SLC8A1: variants seen among roughly 807,000 people sequenced by gnomAD.
SLC8A1 encodes sodium/calcium exchanger 1.
In SLC8A1, 18 loss-of-function variants were observed where a neutral mutation model predicts 68.3. The observed-to-expected ratio is 0.26, with a 90% CI of 0.18 to 0.39. SLC8A1 has a LOEUF of 0.39. Ranked by LOEUF, SLC8A1 falls within the 10% of genes least tolerant of loss-of-function variation. SLC8A1 has a pLI of 1.00. For synonymous variants in SLC8A1, 475 were observed against 415.5 expected, an observed-to-expected ratio of 1.14 and a Z score of -1.74; for missense variants, 985 against 1,156.7, an observed-to-expected ratio of 0.85 and a Z score of 2.15.
intron 2 of SLC8A1, among the ~76,000 whole-genome samples, chr2:40,298,677 C>T (rs114331893): frequency 0.016 from 2,384 of 152,106 alleles, 70 homozygotes; most frequent in African/African-American, 0.054. Context: ...TTCAAGTTTT[C>T]GCTAACTTGT....
intron 2 of SLC8A1, among the ~76,000 whole-genome samples, chr2:40,382,897 A>C (rs1682363404): frequency 6.6e-6 from 1 of 152,130 alleles, no homozygotes; most frequent in South Asian, 2.1e-4. Flanking sequence ...TATTATAATT[A>C]TGTCTTTCTT....
chr2:40,154,129 C>T (rs965590203), intron 6 of SLC8A1, among the ~76,000 whole-genome samples: 1 of 152,000 alleles, frequency 6.6e-6, no homozygotes, highest in South Asian at 2.1e-4. Context: ...AGTTACGTAA[C>T]CACTCTGGGC....
At chr2:40,409,372 C>A (rs1173446935) in intron 2 of SLC8A1, among the ~76,000 whole-genome samples, 1 of 152,054 alleles carries the variant, frequency 6.6e-6, no homozygotes, top group Non-Finnish European at 1.5e-5. Flanking sequence ...GCATTATGGC[C>A]AAAAGATAAT....
chr2:40,400,403 G>C (rs1421408278), intron 2 of SLC8A1, among the ~76,000 whole-genome samples: 1 of 152,170 alleles, frequency 6.6e-6, no homozygotes, highest in Non-Finnish European at 1.5e-5. Flanking sequence ...AGTCAGACTG[G>C]GCTATCTGAG....
chr2:40,455,503 G>C (rs901794920), upstream of SLC8A1, among the ~76,000 whole-genome samples: 2 of 152,074 alleles, frequency 1.3e-5, no homozygotes, highest in South Asian at 4.1e-4. Flanking sequence ...TCACCTATCT[G>C]TTCAGTCACA....
At chr2:40,156,470 C>T (rs969574061) in intron 6 of SLC8A1, among the ~76,000 whole-genome samples, 1 of 139,734 alleles carries the variant, frequency 7.2e-6, no homozygotes, top group Non-Finnish European at 1.5e-5. Context: ...TTTCAGGAAA[C>T]TCTTTAATGC....
intron 2 of SLC8A1, among the ~76,000 whole-genome samples, chr2:40,253,332 GTATA>G (rs574383272): frequency 6.6e-6 from 1 of 150,530 alleles, no homozygotes; most frequent in South Asian, 2.1e-4. Flanking sequence ...ACATATATGT[GTATA>G]TATATACACA....
chr2:40,175,234 A>G (rs753569517), intron 3 of SLC8A1, 27 bp downstream of exon 4: 4 of 1,609,928 alleles, frequency 2.5e-6, no homozygotes, highest in Non-Finnish European at 3.4e-6. Context: ...AAAAATGGAA[A>G]GGAAATGCAA....
rs141294725 is a variant in SLC8A1 at position 40,231,433 on chromosome 2, C to G, written c.1809-53578G>C. Among the ~76,000 whole-genome samples the G allele has an allele frequency of 8.2e-3, 1,252 of 152,196 alleles. 13 individuals carry two copies. Among genetic ancestry groups the G allele is most frequent in the African/African-American group, 0.029 (1,189 of 41,526 alleles). Reference sequence around the variant, plus strand: ...TCCCATTTAATCTTTATAGGTGATACTTTGGAGGGTGGCTGCCCATTTCTC... The same window carrying G: ...TCCCATTTAATCTTTATAGGTGATAGTTTGGAGGGTGGCTGCCCATTTCTC... On this transcript the variant is annotated intron_variant, in intron 2 of 7. Coordinates refer to ENST00000406785, the Ensembl canonical transcript of SLC8A1.
chr2:40,299,924 C>T (rs1370898210), intron 2 of SLC8A1, among the ~76,000 whole-genome samples: 2 of 152,162 alleles, frequency 1.3e-5, no homozygotes, highest in African/African-American at 4.8e-5. Flanking sequence ...CTGAGCCTCC[C>T]AAACTCCTGC....
At chr2:40,393,477 T>A (rs1438460759) in intron 2 of SLC8A1, among the ~76,000 whole-genome samples, 1 of 152,188 alleles carries the variant, frequency 6.6e-6, no homozygotes, top group Non-Finnish European at 1.5e-5. Flanking sequence ...CATCCCTTAG[T>A]TCACTGTTTC....
rs79808046 is a variant in SLC8A1 at position 40,319,507 on chromosome 2, A to G, written c.1808+108966T>C. On this transcript the variant is annotated intron_variant, in intron 2 of 7. Coordinates refer to ENST00000406785, the Ensembl canonical transcript of SLC8A1. ...TTGGTAGCACTGAATTTCTCTCTAG[A>G]CCATGTGTTCTTTATCAGAGACGTT... 5.1e-3 allele frequency among the ~76,000 whole-genome samples: 770 copies of G among 152,150 alleles called. 7 individuals are homozygous for G. The highest frequency in any genetic ancestry group is 0.018 in the African/African-American group (737 of 41,548).
chr2:40,308,109 T>C (rs1232943124), intron 2 of SLC8A1, among the ~76,000 whole-genome samples: 1 of 152,172 alleles, frequency 6.6e-6, no homozygotes, highest in East Asian at 1.9e-4. Context: ...TTTGGCCCAA[T>C]ATACAGACTA....
chr2:40,178,507 T>G lies in SLC8A1; in HGVS notation c.1809-652A>C. 1 of 1,598,094 alleles carries G rather than the reference T, an allele frequency of 6.3e-7. No homozygotes were observed. The highest frequency in any genetic ancestry group is 2.2e-5 in the East Asian group (1 of 44,710). On this transcript the variant is annotated intron_variant, in intron 2 of 7. Transcript: ENST00000406785. ...GATATTGTTTTGCTGAAACAGAGAA[T>G]AGAAATTGACGAACAAGGGGAAGAG...
At chr2:40,147,170 G>A (rs968750977) in intron 6 of SLC8A1, among the ~76,000 whole-genome samples, 6 of 152,144 alleles carry the variant, frequency 3.9e-5, no homozygotes, top group Non-Finnish European at 8.8e-5. Flanking sequence ...ATGCAAGTTC[G>A]ATTATTACCA....
chr2:40,383,005 G>T (rs1022333592), intron 2 of SLC8A1, among the ~76,000 whole-genome samples: 1 of 151,928 alleles, frequency 6.6e-6, no homozygotes, highest in Non-Finnish European at 1.5e-5. Flanking sequence ...GGCATTTATT[G>T]TTGACATATA....
chr2:40,415,909 C>T lies in SLC8A1; in HGVS notation c.1808+12564G>A, dbSNP rs369389281. ...ACACACACACACACACACACACACA[C>T]ACATTAGCTGGGCGTGGTGGCAGGT... is the stretch of plus-strand genomic sequence containing the variant. On this transcript the variant is annotated intron_variant, in intron 2 of 7. Coordinates refer to ENST00000406785, the Ensembl canonical transcript of SLC8A1. 3.7e-5 allele frequency among the ~76,000 whole-genome samples: 5 copies of T among 133,696 alleles called. No homozygotes were observed. The South Asian group carries it at 1.0e-3, about 27-fold the overall frequency. The allele number at this position is 133,696 out of a possible 152,430, so 87.7% of individuals were successfully genotyped here. A position where few individuals can be genotyped will look rare whatever the true frequency, so the allele number is the denominator to read the frequency against.
chr2:40,232,870 T>G (rs1394248522), intron 2 of SLC8A1, among the ~76,000 whole-genome samples: 1 of 146,708 alleles, frequency 6.8e-6, no homozygotes, highest in African/African-American at 2.5e-5. Context: ...GTTCTTGCGA[T>G]AGTTTACTGA....
intron 1 of SLC8A1, among the ~76,000 whole-genome samples, chr2:40,462,001 C>T (rs1703366905): frequency 6.0e-5 from 4 of 66,160 alleles, no homozygotes; most frequent in Non-Finnish European, 1.1e-4. Flanking sequence ...TAAAATCCTC[C>T]TTTTTTTTTT....
Sources: gnomAD v4.1 joint callset for allele counts (sites outside exome capture counted in the v4.1 genomes callset) on GRCh38, gnomAD v4.1.1 for gene constraint, MANE v1.5 for transcripts, NCBI Gene and HGNC (gene_info 2026-07-23, HGNC 2026-07-21) for gene names.